The following CDH23 variants were observed in gnomAD, a reference collection of about 807,000 sequenced individuals.
The protein encoded by CDH23 is cadherin related 23, also known as cadherin-23.
Under a neutral mutation model 317.1 loss-of-function variants are expected in CDH23, and 189 were observed. The observed-to-expected ratio is 0.60, with a 90% CI of 0.53 to 0.67. The LOEUF (loss-of-function observed/expected upper bound fraction) is 0.67, where lower values mean the gene tolerates loss of function less well. Among genes scored for constraint, CDH23 ranks in the 30% least tolerant of loss-of-function variants. The pLI is 0.00. For synonymous variants in CDH23, 1,839 were observed against 1,876.8 expected, an observed-to-expected ratio of 0.98 and a Z score of 0.52; for missense variants, 4,401 against 4,592.4, an observed-to-expected ratio of 0.96 and a Z score of 1.20.
At chr10:71,565,813 A>G (rs1367451759) in intron 6 of CDH23, among the ~76,000 whole-genome samples, 1 of 152,222 alleles carries the variant, frequency 6.6e-6, no homozygotes, top group Admixed American at 6.5e-5. Flanking sequence ...ACCCAAAGAC[A>G]CACAACAAGG....
chr10:71,492,302 A>G lies in CDH23; in HGVS notation c.146-17780A>G, dbSNP rs115859679. Among the ~76,000 whole-genome samples, 975 of 152,306 alleles carry G rather than the reference A, an allele frequency of 6.4e-3. 12 individuals are homozygous for G. Among genetic ancestry groups the G allele is most frequent in the African/African-American group, 0.022 (923 of 41,558 alleles). Reference sequence around the variant, plus strand: ...CATGATGTGGGGCCTGAGAGCTTCTAGCTCTGTCTATACTAGACTGGAAGG... The same window carrying G: ...CATGATGTGGGGCCTGAGAGCTTCTGGCTCTGTCTATACTAGACTGGAAGG... On this transcript the variant is annotated intron_variant, in intron 3 of 69. Transcript: ENST00000224721.
chr10:71,806,146 G>T, intron 56 of CDH23, 22 bp from the exon 57 acceptor site: 1 of 1,549,260 alleles, frequency 6.5e-7, no homozygotes, highest in South Asian at 1.2e-5. Flanking sequence ...CTTTTCCTCT[G>T]ACTGTGCTCT....
chr10:71,487,958 C>T (rs537917246), intron 3 of CDH23, among the ~76,000 whole-genome samples: 1 of 152,228 alleles, frequency 6.6e-6, no homozygotes, highest in East Asian at 1.9e-4. Flanking sequence ...CATAATATAT[C>T]CACCCTGTGC....
intron 9 of CDH23, among the ~76,000 whole-genome samples, chr10:71,591,692 G>A (rs1460386401): frequency 6.6e-6 from 1 of 152,198 alleles, no homozygotes; most frequent in Non-Finnish European, 1.5e-5. Flanking sequence ...CCACATGACT[G>A]AAGATCAGGC....
intron 14 of CDH23, among the ~76,000 whole-genome samples, chr10:71,650,807 C>G (rs951553359): frequency 6.6e-6 from 1 of 152,202 alleles, no homozygotes; most frequent in Non-Finnish European, 1.5e-5. Context: ...GATGAGAAGG[C>G]CAGGGAGTGT....
chr10:71,621,062 A>G (rs545278237), intron 11 of CDH23, among the ~76,000 whole-genome samples: 1 of 152,378 alleles, frequency 6.6e-6, no homozygotes, highest in African/African-American at 2.4e-5. Context: ...GAGCAAAAGA[A>G]GGACTGCAAA....
At position 71,707,787 on chromosome 10, in the gene CDH23, A is replaced by G. The variant is rs530471732; in HGVS notation, c.3106+738A>G. On this transcript the variant is annotated intron_variant, in intron 26 of 69. Coordinates refer to ENST00000224721, the MANE Select transcript of CDH23 (RefSeq NM_022124.6). ...TACTGGCTCAGTCTTCTCTCTGTCC[A>G]TGACCTGCCTACCAACACACATGTT... 2.6e-5 allele frequency among the ~76,000 whole-genome samples: 4 copies of G among 152,202 alleles called. No individual in the cohort carries two copies. In the South Asian group the frequency reaches 8.3e-4, roughly 32 times the overall value.
intron 38 of CDH23, among the ~76,000 whole-genome samples, chr10:71,759,846 C>CACACACACACACACAA: frequency 1.7e-5 from 1 of 59,966 alleles, no homozygotes; most frequent in African/African-American, 6.0e-5. Context: ...CACACACACA[C>CACACACACACACACAA]ATATACACAC....
intron 38 of CDH23, among the ~76,000 whole-genome samples, chr10:71,777,398 C>T (rs1278815423): frequency 6.7e-6 from 1 of 149,448 alleles, no homozygotes; most frequent in Non-Finnish European, 1.5e-5. Context: ...TTGCATCTGG[C>T]CTCAGCAGTT....
intron 38 of CDH23, among the ~76,000 whole-genome samples, chr10:71,766,667 A>G (rs1471054218): frequency 6.6e-6 from 1 of 152,136 alleles, no homozygotes; most frequent in African/African-American, 2.4e-5. Flanking sequence ...TATACCTGTC[A>G]CATTTAGTTC....
chr10:71,663,362 C>CTTCTCCCTCAG (rs1001673553), intron 14 of CDH23, among the ~76,000 whole-genome samples: 4 of 152,228 alleles, frequency 2.6e-5, no homozygotes, highest in African/African-American at 9.6e-5. Context: ...CCTCCTTGGG[C>CTTCTCCCTCAG]TTCTCCCTCA....
At chr10:71,594,564 T>C (rs1408134357) in intron 9 of CDH23, among the ~76,000 whole-genome samples, 1 of 152,146 alleles carries the variant, frequency 6.6e-6, no homozygotes, top group African/African-American at 2.4e-5. Flanking sequence ...TTAGTAGAGA[T>C]GGGGTTTCTC....
intron 9 of CDH23, among the ~76,000 whole-genome samples, chr10:71,593,572 G>A (rs1859641229): frequency 6.6e-6 from 1 of 152,142 alleles, no homozygotes; most frequent in African/African-American, 2.4e-5. Context: ...GGAACTAATA[G>A]CTAGCATATA....
intron 66 of CDH23, 189 bp from the exon 67 acceptor site, chr10:71,812,291 C>T: frequency 6.3e-7 from 1 of 1,598,902 alleles, no homozygotes; most frequent in Non-Finnish European, 8.5e-7. Context: ...TCCAGACTGA[C>T]ATGCGGTCCT....
intron 38 of CDH23, chr10:71,762,177 T>C: frequency 1.1e-6 from 1 of 931,786 alleles, no homozygotes; most frequent in Non-Finnish European, 1.6e-6. Flanking sequence ...TCTGCATTTG[T>C]TCACAAACCC....
At chr10:71,403,331 C>CTT (rs1847881138) in intron 1 of CDH23, among the ~76,000 whole-genome samples, 1 of 52,358 alleles carries the variant, frequency 1.9e-5, no homozygotes, top group Non-Finnish European at 3.8e-5. Flanking sequence ...TCCTTCCTTT[C>CTT]TTTCTTTCTT....
chr10:71,581,655 T>A (rs1858645374), intron 9 of CDH23, among the ~76,000 whole-genome samples: 1 of 152,240 alleles, frequency 6.6e-6, no homozygotes, highest in South Asian at 2.1e-4. Flanking sequence ...GTGGCCAAAC[T>A]GAGACTGAGG....
At chr10:71,607,745 A>T (rs1426531603) in intron 9 of CDH23, among the ~76,000 whole-genome samples, 2 of 152,188 alleles carry the variant, frequency 1.3e-5, no homozygotes, top group Non-Finnish European at 2.9e-5. Context: ...TCTACAAAAC[A>T]TACAAAAATT....
intron 8 of CDH23, among the ~76,000 whole-genome samples, chr10:71,575,541 G>A (rs566204276): frequency 6.6e-5 from 10 of 152,186 alleles, no homozygotes; most frequent in South Asian, 6.2e-4. Context: ...TACAAACAGC[G>A]GGGCCCCTGC....
Sources: gnomAD v4.1 joint callset for allele counts (sites outside exome capture counted in the v4.1 genomes callset) on GRCh38, gnomAD v4.1.1 for gene constraint, MANE v1.5 for transcripts, NCBI Gene and HGNC (gene_info 2026-07-23, HGNC 2026-07-21) for gene names.